Variants in PCDH15 observed in about 807,000 individuals in gnomAD.
PCDH15 encodes the protein protocadherin-15.
PCDH15 carries 129 observed loss-of-function variants against 178.5 expected under a neutral mutation model. That is an observed-to-expected ratio of 0.72 (90% CI 0.63 to 0.84). PCDH15 has a LOEUF of 0.84. Ranked by LOEUF, PCDH15 falls within the 40% of genes least tolerant of loss-of-function variation. PCDH15 has a pLI of 0.00. For synonymous variants in PCDH15, 800 were observed against 732.0 expected, an observed-to-expected ratio of 1.09 and a Z score of -1.50; for missense variants, 2,230 against 2,099.9, an observed-to-expected ratio of 1.06 and a Z score of -1.21.
chr10:54,376,302 A>C (rs1300865903), intron 4 of PCDH15, among the ~76,000 whole-genome samples: 1 of 151,764 alleles, frequency 6.6e-6, no homozygotes, highest in South Asian at 2.1e-4. Context: ...TTTAAAAGAA[A>C]CTACAAATAT....
intron 31 of PCDH15, among the ~76,000 whole-genome samples, chr10:53,828,028 G>C (rs1419399506): frequency 1.3e-5 from 2 of 151,864 alleles, no homozygotes; most frequent in Non-Finnish European, 2.9e-5. Flanking sequence ...TGGTTAGCTT[G>C]TATATCCTTT....
chr10:54,510,303 T>C (rs1358729030), intron 3 of PCDH15, among the ~76,000 whole-genome samples: 2 of 152,154 alleles, frequency 1.3e-5, no homozygotes, highest in Non-Finnish European at 2.9e-5. Context: ...CCAAAGAACA[T>C]ATCTACCCTG....
At chr10:54,189,231 A>G (rs941370312) in intron 11 of PCDH15, 3 of 538,930 alleles carry the variant, frequency 5.6e-6, no homozygotes, top group African/African-American at 3.9e-5. Flanking sequence ...AATTTATATA[A>G]AGTATTTGTA....
In PCDH15 at chr10:53,919,817, T is replaced by A. The variant is rs555638013; in HGVS notation, c.3374-16447A>T. 3.3e-5 allele frequency among the ~76,000 whole-genome samples: 5 copies of A among 152,306 alleles called. No individual in the cohort carries two copies. The South Asian group carries it at 6.2e-4, about 19-fold the overall frequency. On this transcript the variant is annotated intron_variant, in intron 25 of 37. Transcript: ENST00000644397. ...AGGTATTAGGTATTTAGGTATATAC[T>A]TCTATGCCTAGGACCACAAGAAAAA... is the stretch of plus-strand genomic sequence containing the variant.
intron 1 of PCDH15, among the ~76,000 whole-genome samples, chr10:54,680,249 G>A: frequency 6.6e-6 from 1 of 152,152 alleles, no homozygotes. Context: ...AGAAAAGAGT[G>A]TCTGGGGACA....
intron 2 of PCDH15, among the ~76,000 whole-genome samples, chr10:55,602,589 C>A (rs1017131519): frequency 2.0e-5 from 3 of 152,100 alleles, no homozygotes. Context: ...CGCTGACCCC[C>A]GAGCAGCCTA....
chr10:54,571,758 T>C (rs1356356531), intron 2 of PCDH15, among the ~76,000 whole-genome samples: 1 of 152,136 alleles, frequency 6.6e-6, no homozygotes, highest in Admixed American at 6.6e-5. Flanking sequence ...ACTTCACCTT[T>C]TTCACATTTC....
At chr10:53,822,616 T>TTGAAGGAGAAAGTTCCAAG in intron 32 of PCDH15, 1 of 1,613,994 alleles carries the variant, frequency 6.2e-7, no homozygotes, top group Non-Finnish European at 8.5e-7. Flanking sequence ...ACACAAGGCC[T>TTGAAGGAGAAAGTTCCAAG]TGAAGGAGAA....
At chr10:53,869,338 C>T (rs931305898) in intron 26 of PCDH15, among the ~76,000 whole-genome samples, 1 of 152,102 alleles carries the variant, frequency 6.6e-6, no homozygotes, top group Non-Finnish European at 1.5e-5. Context: ...AATCACTCAA[C>T]AAAGGATAGC....
chr10:54,496,699 T>C (rs1258955193), intron 3 of PCDH15, among the ~76,000 whole-genome samples: 1 of 152,178 alleles, frequency 6.6e-6, no homozygotes, highest in East Asian at 1.9e-4. Context: ...ACTGCGATGA[T>C]AGAAATTTAA....
At chr10:54,629,562 C>T (rs1442778698) in intron 2 of PCDH15, among the ~76,000 whole-genome samples, 1 of 151,956 alleles carries the variant, frequency 6.6e-6, no homozygotes, top group East Asian at 1.9e-4. Flanking sequence ...ATGATAAAAA[C>T]CTACAACAAA....
At chr10:54,147,115 C>T (rs181686608) in intron 14 of PCDH15, among the ~76,000 whole-genome samples, 1 of 150,588 alleles carries the variant, frequency 6.6e-6, no homozygotes, top group African/African-American at 2.4e-5. Context: ...CATAACTTTT[C>T]AGTTCATTCA....
At chr10:53,982,486 A>C (rs1020664603) in intron 21 of PCDH15, among the ~76,000 whole-genome samples, 6 of 152,162 alleles carry the variant, frequency 3.9e-5, no homozygotes, top group African/African-American at 1.4e-4. Context: ...AATACTATGC[A>C]GCCATAAAAA....
intron 18 of PCDH15, among the ~76,000 whole-genome samples, chr10:54,030,648 A>G (rs904062460): frequency 6.6e-6 from 1 of 152,060 alleles, no homozygotes; most frequent in African/African-American, 2.4e-5. Context: ...TTTAACACAA[A>G]TAATTTCTCA....
intron 18 of PCDH15, among the ~76,000 whole-genome samples, chr10:54,062,245 A>AAC (rs2094037730): frequency 6.9e-6 from 1 of 143,926 alleles, no homozygotes; most frequent in African/African-American, 2.6e-5. Flanking sequence ...AAAAAAAAAA[A>AAC]AAAAAAACAA....
At chr10:54,105,212 T>C (rs2094890412) in intron 15 of PCDH15, among the ~76,000 whole-genome samples, 1 of 146,576 alleles carries the variant, frequency 6.8e-6, no homozygotes, top group South Asian at 2.2e-4. Flanking sequence ...TCTGTATTAG[T>C]CAGAGTTCTC....
At chr10:55,067,963 G>A (rs1474342008) in intron 2 of PCDH15, among the ~76,000 whole-genome samples, 1 of 151,786 alleles carries the variant, frequency 6.6e-6, no homozygotes, top group East Asian at 1.9e-4. Context: ...TGACTTGTTT[G>A]AATTTCTTGT....
At chr10:54,879,604 T>C (rs74138812) in intron 3 of PCDH15, among the ~76,000 whole-genome samples, 3,354 of 151,736 alleles carry the variant, frequency 0.022, 138 homozygotes, top group African/African-American at 0.075. Flanking sequence ...TAATATAAAA[T>C]GATAATAAAA....
intron 1 of PCDH15, among the ~76,000 whole-genome samples, chr10:55,281,909 G>A (rs529333955): frequency 2.0e-5 from 3 of 151,822 alleles, no homozygotes; most frequent in African/African-American, 7.3e-5. Flanking sequence ...ATTTTGCTCC[G>A]AAATATTTAT....
Sources: allele counts gnomAD v4.1 joint callset (sites outside exome capture counted in the v4.1 genomes callset), GRCh38; gene constraint gnomAD v4.1.1; transcripts MANE v1.5; gene names NCBI Gene and HGNC (gene_info 2026-07-23, HGNC 2026-07-21).